SGPL1: variants seen among roughly 807,000 people sequenced by gnomAD.
SGPL1 encodes the protein sphingosine-1-phosphate lyase 1.
A neutral mutation model predicts 68.9 loss-of-function variants in SGPL1; 37 were observed. That is an observed-to-expected ratio of 0.54 (90% CI 0.41 to 0.71). The LOEUF is 0.71. Among genes scored for constraint, SGPL1 ranks in the 30% least tolerant of loss-of-function variants. The pLI is 0.00. For synonymous variants in SGPL1, 236 were observed against 248.5 expected (o/e 0.95, Z 0.47); for missense variants, 551 against 704.6 (o/e 0.78, Z 2.47).
At chr10:70,852,130 C>G (rs67936842) in intron 4 of SGPL1, among the ~76,000 whole-genome samples, 6,559 of 152,300 alleles carry the variant, frequency 0.043, 167 homozygotes, top group African/African-American at 0.068. Context: ...CCCTGACCCC[C>G]CTTTGGTCTT....
At position 70,843,432 on chromosome 10, in the gene SGPL1, C is replaced by T. The variant is rs578229093; in HGVS notation, c.28-1041C>T. On this transcript the variant is annotated intron_variant, in intron 2 of 14. Transcript: ENST00000373202. ...AATGAATAGTAAACTATAAAATGAC[C>T]TTAGTTTGTACAGGGCATTGTAGGG... 3.9e-5 allele frequency among the ~76,000 whole-genome samples: 6 copies of T among 152,264 alleles called. No homozygotes were observed. The East Asian group carries it at 1.2e-3, about 29-fold the overall frequency.
At chr10:70,834,717 A>C (rs533643915) in intron 2 of SGPL1, among the ~76,000 whole-genome samples, 1 of 152,320 alleles carries the variant, frequency 6.6e-6, no homozygotes, top group African/African-American at 2.4e-5. Flanking sequence ...AGCGTAGTGA[A>C]GATGAGAGCC....
At chr10:70,820,263 G>C (rs1845316121) in intron 2 of SGPL1, 1 of 152,184 alleles carries the variant, frequency 6.6e-6, no homozygotes, top group Non-Finnish European at 1.5e-5. Context: ...TCTGACTTCA[G>C]ATCCCTCCCT....
chr10:70,875,419 G>A lies in SGPL1; in HGVS notation c.1316G>A (p.Gly439Asp). The A allele has an allele frequency of 6.2e-7, 1 of 1,609,930 alleles. No homozygotes were observed. The highest frequency in any genetic ancestry group is 1.1e-5 in the South Asian group (1 of 90,670). Residue 439 changes from glycine to aspartate, a missense_variant, in exon 13 of 15, where the codon GGC (glycine) becomes GAC (aspartate). Physicochemically the swap from Gly to Asp is moderately conservative, Grantham distance 94. Transcript: ENST00000373202. ...GTTTTAAGACTGGAAAATATCAAAG[G>A]CATCTTTGTTTTTGGGAATCCCCAA... ...FLKSELENIK[G>D]IFVFGNPQLS...
At chr10:70,820,761 C>T (rs970508934) in intron 2 of SGPL1, among the ~76,000 whole-genome samples, 3 of 150,792 alleles carry the variant, frequency 2.0e-5, no homozygotes, top group South Asian at 2.1e-4. Flanking sequence ...GGCGACAGAG[C>T]GAGACTGTCT....
rs551418599 is a variant in SGPL1 at position 70,880,598 on chromosome 10, A to G, written c.*3263A>G. Reference sequence around the variant, plus strand: ...AGCTCCTCAGATAATCTTCACACACATGTAACTGCTGGAGATCTTATTCTA... The same window carrying G: ...AGCTCCTCAGATAATCTTCACACACGTGTAACTGCTGGAGATCTTATTCTA... On this transcript the variant is annotated 3_prime_UTR_variant, in exon 15 of 15. Coordinates refer to ENST00000373202, the MANE Select transcript of SGPL1 (RefSeq NM_003901.4). The G allele has an allele frequency of 6.6e-6, 1 of 152,238 alleles. No homozygotes were observed. The highest frequency in any genetic ancestry group is 2.4e-5 in the African/African-American group (1 of 41,450). The allele number at this position is 152,238 out of a possible 1,614,324, so 9.4% of individuals were successfully genotyped here. A position where few individuals can be genotyped will look rare whatever the true frequency, so the allele number is the denominator to read the frequency against.
intron 6 of SGPL1, among the ~76,000 whole-genome samples, 164 bp downstream of exon 6, chr10:70,857,854 A>G (rs1356794925): frequency 1.3e-5 from 2 of 152,264 alleles, no homozygotes; most frequent in Non-Finnish European, 2.9e-5. Context: ...GAATATGTAT[A>G]ATATTATCAA....
intron 2 of SGPL1, among the ~76,000 whole-genome samples, chr10:70,818,438 GTTTGTT>G (rs1247677196): frequency 1.3e-5 from 2 of 152,158 alleles, no homozygotes; most frequent in Non-Finnish European, 2.9e-5. Flanking sequence ...TTGTTTGTTT[GTTTGTT>G]TTTGTCACTT....
At position 70,880,173 on chromosome 10, in the gene SGPL1, T is replaced by C. The variant is rs1846476163; in HGVS notation, c.*2838T>C. 2 of 152,624 alleles carry C rather than the reference T, an allele frequency of 1.3e-5. No homozygotes were observed. Among genetic ancestry groups the C allele is most frequent in the Non-Finnish European group, 2.9e-5 (2 of 68,044 alleles). 9.5% of individuals were successfully genotyped at this position (152,624 alleles called of 1,614,324 possible). A position where few individuals can be genotyped will look rare whatever the true frequency, so the allele number is the denominator to read the frequency against. Reference sequence around the variant, plus strand: ...ACACACGAGATGACAAATGGGGCAGTGGCCATGCTTGAATGGGCTCCTGGT... The same window carrying C: ...ACACACGAGATGACAAATGGGGCAGCGGCCATGCTTGAATGGGCTCCTGGT... On this transcript the variant is annotated 3_prime_UTR_variant, in exon 15 of 15. Transcript: ENST00000373202.
At chr10:70,834,368 C>T (rs149232628) in intron 2 of SGPL1, among the ~76,000 whole-genome samples, 95 of 152,250 alleles carry the variant, frequency 6.2e-4, no homozygotes, top group African/African-American at 2.1e-3. Flanking sequence ...GGGGCTGTGC[C>T]TCTAGTTTGA....
chr10:70,870,853 C>T (rs1846280975), intron 9 of SGPL1, among the ~76,000 whole-genome samples, 195 bp from the exon 10 acceptor site: 1 of 152,190 alleles, frequency 6.6e-6, no homozygotes, highest in Non-Finnish European at 1.5e-5. Flanking sequence ...AGACTATTCT[C>T]CAAATGGACT....
chr10:70,860,848 G>A (rs1846040202), intron 7 of SGPL1, among the ~76,000 whole-genome samples: 1 of 152,066 alleles, frequency 6.6e-6, no homozygotes. Flanking sequence ...TAATTCAAAT[G>A]CCTATCCACA....
chr10:70,852,994 G>A (rs1845911509), intron 4 of SGPL1, among the ~76,000 whole-genome samples: 1 of 152,164 alleles, frequency 6.6e-6, no homozygotes, highest in African/African-American at 2.4e-5. Flanking sequence ...AAGAATTGGG[G>A]GTAAGGAAGT....
At chr10:70,862,587 G>A (rs1846092040) in intron 7 of SGPL1, among the ~76,000 whole-genome samples, 1 of 152,134 alleles carries the variant, frequency 6.6e-6, no homozygotes. Flanking sequence ...GGTCCACGCT[G>A]CTTTTATGAG....
chr10:70,833,580 T>C (rs145951302), intron 2 of SGPL1, among the ~76,000 whole-genome samples: 45 of 152,364 alleles, frequency 3.0e-4, no homozygotes, highest in African/African-American at 1.1e-3. Context: ...CTTACCTGTT[T>C]ACCTTGCACT....
chr10:70,818,852 A>G (rs987108598), intron 2 of SGPL1, among the ~76,000 whole-genome samples: 2 of 152,236 alleles, frequency 1.3e-5, no homozygotes, highest in African/African-American at 4.8e-5. Flanking sequence ...TGTTAGAAAT[A>G]CTGGAAACTA....
chr10:70,878,390 G>A lies in SGPL1; in HGVS notation c.*1055G>A, dbSNP rs540731481. Reference sequence around the variant, plus strand: ...CCATTGGCTTTTTCTTGTTACCATGGACTAGGAAGAAAACATGGTTTCCAA... The same window carrying A: ...CCATTGGCTTTTTCTTGTTACCATGAACTAGGAAGAAAACATGGTTTCCAA... On this transcript the variant is annotated 3_prime_UTR_variant, in exon 15 of 15. Transcript: ENST00000373202. 2.0e-5 allele frequency: 3 copies of A among 152,322 alleles called. No individual in the cohort carries two copies. Among genetic ancestry groups the A allele is most frequent in the African/African-American group, 7.2e-5 (3 of 41,554 alleles). 9.4% of individuals were successfully genotyped at this position (152,322 alleles called of 1,614,324 possible).
At chr10:70,856,105 G>A (rs188066180) in intron 5 of SGPL1, among the ~76,000 whole-genome samples, 153 of 151,984 alleles carry the variant, frequency 1.0e-3, no homozygotes, top group South Asian at 3.7e-3. Flanking sequence ...AGCAATTCTC[G>A]TGCCTCAGCC....
At chr10:70,848,454 CTTTT>C (rs55860254) in intron 3 of SGPL1, among the ~76,000 whole-genome samples, 54 of 70,666 alleles carry the variant, frequency 7.6e-4, no homozygotes, top group Non-Finnish European at 1.1e-3. Flanking sequence ...ACCTCACGTA[CTTTT>C]TTTTTTTTTT....
Sources: allele counts gnomAD v4.1 joint callset (sites outside exome capture counted in the v4.1 genomes callset), GRCh38; gene constraint gnomAD v4.1.1; transcripts MANE v1.5; gene names NCBI Gene and HGNC (gene_info 2026-07-23, HGNC 2026-07-21).